The following LASP1 variants were observed in gnomAD, a reference collection of about 807,000 sequenced individuals.
LASP1 encodes the protein LIM and SH3 domain protein 1.
LASP1 carries 10 observed loss-of-function variants against 38.6 expected under a neutral mutation model. That is an observed-to-expected ratio of 0.26 (90% CI 0.16 to 0.44). LASP1 has a LOEUF of 0.44. Among genes scored for constraint, LASP1 ranks in the 20% least tolerant of loss-of-function variants. LASP1 has a pLI of 1.00. For missense variants in LASP1, 243 were observed against 375.7 expected (o/e 0.65, Z 2.92); for synonymous variants, 132 against 140.8 (o/e 0.94, Z 0.44).
At chr17:38,891,242 C>T (rs111426582) in intron 3 of LASP1, among the ~76,000 whole-genome samples, 2 of 151,998 alleles carry the variant, frequency 1.3e-5, no homozygotes, top group East Asian at 1.9e-4. Context: ...GGATTAGGCG[C>T]GAGAATACAT....
At chr17:38,917,398 C>T (rs1163408818) in intron 6 of LASP1, among the ~76,000 whole-genome samples, 1 of 149,572 alleles carries the variant, frequency 6.7e-6, no homozygotes, top group East Asian at 2.0e-4. Context: ...ATTTATTTTT[C>T]TTTTTTTTTT....
At chr17:38,900,095 T>G (rs926586234) in intron 4 of LASP1, among the ~76,000 whole-genome samples, 1 of 149,952 alleles carries the variant, frequency 6.7e-6, no homozygotes, top group African/African-American at 2.5e-5. Context: ...ATACAGCCCC[T>G]TTGAGGACTG....
At chr17:38,878,952 G>C (rs1041664576) in intron 2 of LASP1, among the ~76,000 whole-genome samples, 4 of 151,874 alleles carry the variant, frequency 2.6e-5, no homozygotes, top group Non-Finnish European at 4.4e-5. Flanking sequence ...GAGCCTGGAG[G>C]AATACCTCCC....
chr17:38,896,435 C>T (rs1252670038), intron 3 of LASP1, among the ~76,000 whole-genome samples: 7 of 152,296 alleles, frequency 4.6e-5, no homozygotes, highest in East Asian at 3.9e-4. Flanking sequence ...CTGTGGGCCT[C>T]CTATGTTAGC....
chr17:38,914,513 G>A (rs751899405), intron 5 of LASP1, 38 bp downstream of exon 5: 58 of 1,556,434 alleles, frequency 3.7e-5, no homozygotes, highest in Non-Finnish European at 4.0e-5. Flanking sequence ...GACCTGAGGC[G>A]AGGCCAGTGG....
chr17:38,914,961 ATGG>A (rs1282100965), intron 5 of LASP1, 79 bp from the exon 6 acceptor site: 2 of 1,292,616 alleles, frequency 1.5e-6, no homozygotes, highest in Non-Finnish European at 1.1e-6. Context: ...GTGGAAGTGC[ATGG>A]TATGGACTTC....
intron 1 of LASP1, among the ~76,000 whole-genome samples, chr17:38,873,425 G>A (rs977402591): frequency 3.1e-4 from 47 of 152,188 alleles, no homozygotes; most frequent in Admixed American, 1.6e-3. Flanking sequence ...CTCCATAAAT[G>A]GAGGCTCAGG....
In LASP1 at chr17:38,901,372, T is replaced by C. The variant is rs1914637490; in HGVS notation, c.357+2853T>C. ...CGGTGCTGCAGTGAGCTAATGGTCC[T>C]CTGCAGGAGCTGGGGGAAGGGATCG... On this transcript the variant is annotated intron_variant, in intron 4 of 6. Transcript: ENST00000318008. 2.6e-5 allele frequency among the ~76,000 whole-genome samples: 4 copies of C among 152,370 alleles called. No homozygotes were observed. In the South Asian group the frequency reaches 8.3e-4, roughly 32 times the overall value.
At chr17:38,900,542 G>A (rs775824221) in intron 4 of LASP1, among the ~76,000 whole-genome samples, 4 of 152,170 alleles carry the variant, frequency 2.6e-5, no homozygotes, top group South Asian at 2.1e-4. Context: ...GCGTGGTGGC[G>A]TGTGCCTGTA....
intron 6 of LASP1, among the ~76,000 whole-genome samples, chr17:38,917,175 G>A (rs1249280193): frequency 2.0e-5 from 3 of 152,302 alleles, no homozygotes; most frequent in African/African-American, 4.8e-5. Context: ...CAGGGAGACC[G>A]TCAGGAGGCT....
rs112191648 is a variant in LASP1 at position 38,898,369 on chromosome 17, G to A, written c.250-43G>A. The A allele has an allele frequency of 3.2e-4, 469 of 1,450,832 alleles. 2 individuals carry two copies. In the African/African-American group the frequency reaches 5.8e-3, roughly 18 times the overall value. The allele number at this position is 1,450,832 out of a possible 1,614,324, so 89.9% of individuals were successfully genotyped here. On this transcript the variant is annotated intron_variant, in intron 3 of 6. Coordinates refer to ENST00000318008, the MANE Select transcript of LASP1 (RefSeq NM_006148.4). Reference sequence around the variant, plus strand: ...AGGGGCCCCAAGCCGAGGCCCTTTCGGCTCCTGGCCTGACTCCAATCCCTC... The same window carrying A: ...AGGGGCCCCAAGCCGAGGCCCTTTCAGCTCCTGGCCTGACTCCAATCCCTC...
intron 4 of LASP1, among the ~76,000 whole-genome samples, chr17:38,906,346 G>A (rs1435068333): frequency 4.0e-5 from 6 of 151,820 alleles, no homozygotes; most frequent in African/African-American, 7.3e-5. Context: ...TGACCAACAT[G>A]GCAAACCCCC....
chr17:38,897,031 C>T, intron 3 of LASP1: 1 of 985,506 alleles, frequency 1.0e-6, no homozygotes, highest in Non-Finnish European at 1.2e-6. Context: ...AGTCACCGTG[C>T]TGGCCCAGGG....
intron 4 of LASP1, chr17:38,904,062 CTTTT>C (rs760498357): frequency 6.6e-6 from 1 of 152,044 alleles, no homozygotes; most frequent in Non-Finnish European, 1.5e-5. Context: ...GTCCTTAAAA[CTTTT>C]TTTATGTGTG....
In LASP1 at chr17:38,920,898, TCC is replaced by T. The variant is rs906411806; in HGVS notation, c.*2123_*2124del. On this transcript the variant is annotated 3_prime_UTR_variant, in exon 7 of 7. Transcript: ENST00000318008. ...TTGGGGACCAAAGGTCAGGGACACA[TCC>T]CCTTAGAGGACCTGAGTTTGGGAGA... 4 of 232,210 alleles carry T rather than the reference TCC, an allele frequency of 1.7e-5. No individual in the cohort carries two copies. In the Admixed American group the frequency reaches 2.3e-4, roughly 13 times the overall value. 14.4% of individuals were successfully genotyped at this position (232,210 alleles called of 1,614,324 possible).
At position 38,898,286 on chromosome 17, in the gene LASP1, T is replaced by C; in HGVS notation, c.250-126T>C. 2 of 604,156 alleles carry C rather than the reference T, an allele frequency of 3.3e-6. 1 individual carries two copies. Among genetic ancestry groups the C allele is most frequent in the South Asian group, 4.0e-5 (2 of 50,066 alleles). 37.4% of individuals were successfully genotyped at this position (604,156 alleles called of 1,614,324 possible). On this transcript the variant is annotated intron_variant, in intron 3 of 6. Transcript: ENST00000318008. ...GCCTCTGCTTTGAGTTGGGGACTTC[T>C]GATCAGGGTCTTTCTGCTGACTCCC...
intron 4 of LASP1, among the ~76,000 whole-genome samples, chr17:38,905,751 TTTTG>T (rs1327417669): frequency 6.6e-6 from 1 of 152,114 alleles, no homozygotes; most frequent in East Asian, 1.9e-4. Flanking sequence ...GAGTACAGAC[TTTTG>T]TTTGTTTTAA....
At chr17:38,879,696 A>G (rs370076762) in intron 2 of LASP1, among the ~76,000 whole-genome samples, 3 of 151,730 alleles carry the variant, frequency 2.0e-5, no homozygotes, top group Admixed American at 6.6e-5. Flanking sequence ...CCTTACCCCA[A>G]ACCTTCCTTG....
At chr17:38,875,621 T>C (rs994847713) in intron 1 of LASP1, among the ~76,000 whole-genome samples, 1 of 152,162 alleles carries the variant, frequency 6.6e-6, no homozygotes, top group African/African-American at 2.4e-5. Flanking sequence ...CATTAGGTTT[T>C]TCCTTTGGGT....
Sources: allele counts gnomAD v4.1 joint callset (sites outside exome capture counted in the v4.1 genomes callset), GRCh38; gene constraint gnomAD v4.1.1; transcripts MANE v1.5; gene names NCBI Gene and HGNC (gene_info 2026-07-23, HGNC 2026-07-21).